NRG1: variants seen among roughly 807,000 people sequenced by gnomAD.
NRG1 encodes neuregulin 1, also known as pro-neuregulin-1, membrane-bound isoform.
In NRG1, 18 loss-of-function variants were observed where a neutral mutation model predicts 63.8. That is an observed-to-expected ratio of 0.28 (90% CI 0.19 to 0.42). The LOEUF (loss-of-function observed/expected upper bound fraction) is 0.42. Ranked by LOEUF, NRG1 falls within the 10% of genes least tolerant of loss-of-function variation. The probability of loss-of-function intolerance (pLI) is 1.00; values close to 1 mark genes in which losing one functional copy is unlikely to be tolerated. For synonymous variants in NRG1, 302 were observed against 301.3 expected (o/e 1.00, Z -0.02); for missense variants, 762 against 814.7 (o/e 0.94, Z 0.79).
intron 1 of NRG1, among the ~76,000 whole-genome samples, chr8:31,675,901 C>G (rs540436925): frequency 1.3e-5 from 2 of 152,046 alleles, no homozygotes; most frequent in Non-Finnish European, 2.9e-5. Context: ...AAATTTTGTG[C>G]CTTTTCTGTA....
intron 1 of NRG1, among the ~76,000 whole-genome samples, chr8:32,549,726 T>C (rs925084213): frequency 3.3e-4 from 50 of 152,174 alleles, no homozygotes; most frequent in African/African-American, 1.2e-3. Flanking sequence ...TTACCTTAGA[T>C]GTCCCTAGGA....
At chr8:32,732,828 G>A (rs1477162292) in intron 6 of NRG1, among the ~76,000 whole-genome samples, 1 of 91,794 alleles carries the variant, frequency 1.1e-5, no homozygotes, top group African/African-American at 4.1e-5. Flanking sequence ...TTTTTGAGAT[G>A]GAGTTTCATG....
chr8:32,653,355 CT>C (rs1251385793), intron 5 of NRG1, among the ~76,000 whole-genome samples: 2 of 152,152 alleles, frequency 1.3e-5, no homozygotes, highest in Non-Finnish European at 2.9e-5. Flanking sequence ...AGCATTTCTT[CT>C]TCTTTACTGT....
At chr8:32,248,091 A>G (rs1848759533) in intron 1 of NRG1, among the ~76,000 whole-genome samples, 1 of 152,106 alleles carries the variant, frequency 6.6e-6, no homozygotes, top group African/African-American at 2.4e-5. Context: ...ATTAACAACT[A>G]GCTATATGAC....
chr8:32,136,122 A>C (rs552207323), intron 1 of NRG1, among the ~76,000 whole-genome samples: 3 of 152,276 alleles, frequency 2.0e-5, no homozygotes, highest in African/African-American at 7.2e-5. Flanking sequence ...CAGGAGTTGG[A>C]AGATACAGTG....
intron 1 of NRG1, among the ~76,000 whole-genome samples, chr8:32,211,599 G>T (rs1479449981): frequency 6.6e-6 from 1 of 152,084 alleles, no homozygotes; most frequent in Non-Finnish European, 1.5e-5. Context: ...CAGTCTAATG[G>T]GTGAATTATG....
intron 1 of NRG1, among the ~76,000 whole-genome samples, chr8:31,938,767 A>C (rs1485380818): frequency 1.3e-5 from 2 of 152,210 alleles, no homozygotes; most frequent in Non-Finnish European, 2.9e-5. Flanking sequence ...TGCAAAATGC[A>C]CTGGAAAGTC....
intron 1 of NRG1, among the ~76,000 whole-genome samples, chr8:32,389,080 CTCTT>C (rs1384691575): frequency 6.6e-6 from 1 of 152,164 alleles, no homozygotes; most frequent in Non-Finnish European, 1.5e-5. Flanking sequence ...AATCCGTAAT[CTCTT>C]TCTATCGCCA....
At chr8:32,672,108 A>T (rs1187605983) in intron 5 of NRG1, among the ~76,000 whole-genome samples, 1 of 151,768 alleles carries the variant, frequency 6.6e-6, no homozygotes, top group Non-Finnish European at 1.5e-5. Flanking sequence ...GCAGTGGCAC[A>T]ATCTCGGCTC....
At chr8:31,868,144 TCTTACACACACACACACACACACA>T (rs1829137552) in intron 1 of NRG1, among the ~76,000 whole-genome samples, 9 of 110,980 alleles carry the variant, frequency 8.1e-5, no homozygotes, top group African/African-American at 3.4e-4. Flanking sequence ...CACACATACA[TCTTACACACACACACACACACACA>T]CACACACACA....
intron 1 of NRG1, among the ~76,000 whole-genome samples, chr8:32,451,395 AGAAAGGAAATG>A (rs1003112889): frequency 2.0e-5 from 3 of 152,230 alleles, no homozygotes; most frequent in African/African-American, 7.2e-5. Context: ...CAGGGCAATG[AGAAAGGAAATG>A]GAAGCCCAAA....
intron 1 of NRG1, among the ~76,000 whole-genome samples, chr8:31,992,389 G>A (rs1271343405): frequency 6.6e-6 from 1 of 151,948 alleles, no homozygotes; most frequent in African/African-American, 2.4e-5. Context: ...ACCTCTGCTT[G>A]CCTGATACTG....
intron 5 of NRG1, among the ~76,000 whole-genome samples, chr8:32,666,228 C>G (rs956128980): frequency 6.6e-6 from 1 of 152,162 alleles, no homozygotes; most frequent in African/African-American, 2.4e-5. Context: ...GTAGGCACTC[C>G]TTTGCAGACA....
intron 1 of NRG1, among the ~76,000 whole-genome samples, chr8:32,363,539 C>T (rs1807517822): frequency 6.6e-6 from 1 of 152,016 alleles, no homozygotes; most frequent in African/African-American, 2.4e-5. Flanking sequence ...AATAACTCAC[C>T]CTCAGTGTTA....
rs1396892499 is a variant in NRG1, at chr8:32,053,641, A to C, written c.37+414210A>C. Among the ~76,000 whole-genome samples, 3 of 152,358 alleles carry C rather than the reference A, an allele frequency of 2.0e-5. No individual in the cohort carries two copies. In the East Asian group the frequency reaches 5.8e-4, roughly 29 times the overall value. On this transcript the variant is annotated intron_variant, in intron 1 of 10. Coordinates refer to the NRG1 transcript ENST00000519301. The stretch of plus-strand genomic sequence containing the variant: ...AACACATGTATTAAAAGTGACAGAC[A>C]TAACAAGGGTCAAAGATTAAAGGTG...
At chr8:32,754,866 C>T (rs1829394549) in intron 8 of NRG1, among the ~76,000 whole-genome samples, 1 of 152,046 alleles carries the variant, frequency 6.6e-6, no homozygotes, top group African/African-American at 2.4e-5. Flanking sequence ...CTAACTTGCA[C>T]CTAGAAAAAC....
intron 1 of NRG1, among the ~76,000 whole-genome samples, chr8:31,665,282 A>C (rs1363298737): frequency 6.6e-6 from 1 of 152,188 alleles, no homozygotes; most frequent in African/African-American, 2.4e-5. Context: ...TTTCAGACTT[A>C]AGCCCTCTGG....
At chr8:32,551,070 T>C (rs1834014254) in intron 1 of NRG1, among the ~76,000 whole-genome samples, 1 of 152,204 alleles carries the variant, frequency 6.6e-6, no homozygotes, top group South Asian at 2.1e-4. Flanking sequence ...TCAGAATCAG[T>C]GTTTCTTTCC....
intron 5 of NRG1, among the ~76,000 whole-genome samples, chr8:32,651,818 A>T (rs907082058): frequency 6.6e-6 from 1 of 152,126 alleles, no homozygotes; most frequent in Non-Finnish European, 1.5e-5. Flanking sequence ...TCCTTCTTCT[A>T]GTTCTTGGTA....
Sources: allele counts gnomAD v4.1 joint callset (sites outside exome capture counted in the v4.1 genomes callset), GRCh38; gene constraint gnomAD v4.1.1; transcripts MANE v1.5; gene names NCBI Gene and HGNC (gene_info 2026-07-23, HGNC 2026-07-21).